RAPGEF4: variants seen among roughly 807,000 people sequenced by gnomAD.
RAPGEF4 encodes the protein RAP guanine-nucleotide-exchange factor (GEF) 4.
A neutral mutation model predicts 147.9 loss-of-function variants in RAPGEF4; 66 were observed. The observed-to-expected ratio is 0.45, with a 90% CI of 0.37 to 0.55. The LOEUF is 0.55. Among genes scored for constraint, RAPGEF4 ranks in the 20% least tolerant of loss-of-function variants. The pLI, the probability that RAPGEF4 is intolerant of heterozygous loss-of-function variation, is 0.00. For missense variants in RAPGEF4, 1,071 were observed against 1,257.3 expected (o/e 0.85, Z 2.24); for synonymous variants, 419 against 442.7 (o/e 0.95, Z 0.67).
chr2:172,987,359 T>G (rs1490268438), intron 12 of RAPGEF4, among the ~76,000 whole-genome samples: 1 of 152,132 alleles, frequency 6.6e-6, no homozygotes, highest in Admixed American at 6.5e-5. Flanking sequence ...CTTTGTACCC[T>G]CATTTATCCC....
chr2:172,902,730 G>A (rs1699203752), intron 4 of RAPGEF4, among the ~76,000 whole-genome samples: 1 of 152,168 alleles, frequency 6.6e-6, no homozygotes, highest in African/African-American at 2.4e-5. Flanking sequence ...TATAAAGTAT[G>A]GGCCTGGGTG....
intron 1 of RAPGEF4, among the ~76,000 whole-genome samples, chr2:172,775,443 A>G (rs1684067407): frequency 6.6e-6 from 1 of 152,226 alleles, no homozygotes; most frequent in Admixed American, 6.5e-5. Context: ...AAGACTGTCA[A>G]ATTGAATCTT....
At chr2:173,007,392 A>G (rs1216098952) in intron 17 of RAPGEF4, among the ~76,000 whole-genome samples, 1 of 152,222 alleles carries the variant, frequency 6.6e-6, no homozygotes, top group Non-Finnish European at 1.5e-5. Flanking sequence ...GTTAGTAGGT[A>G]CACACAAACA....
rs986675618 is a variant in RAPGEF4, at chr2:173,042,238, G to A, written c.2853+5546G>A. On this transcript the variant is annotated intron_variant, in intron 29 of 30. Transcript: ENST00000397081. The surrounding 1 kb of genome is among the most constrained non-coding windows in gnomAD (Gnocchi z 4.2). ...CATCGTAAGTATGCAAGAAGTACTTGTTGAATAAAATGTAATGTTTCAGTG... is the reference window on the plus strand; with the variant it reads ...CATCGTAAGTATGCAAGAAGTACTTATTGAATAAAATGTAATGTTTCAGTG... Among the ~76,000 whole-genome samples the A allele has an allele frequency of 6.6e-6, 1 of 152,228 alleles. No individual in the cohort carries two copies. Among genetic ancestry groups the A allele is most frequent in the Admixed American group, 6.5e-5 (1 of 15,286 alleles).
chr2:172,983,056 A>G (rs895185170), intron 10 of RAPGEF4, among the ~76,000 whole-genome samples: 1 of 152,242 alleles, frequency 6.6e-6, no homozygotes, highest in Non-Finnish European at 1.5e-5. Context: ...TTATTCTGCT[A>G]GGCTAAGATA....
chr2:173,014,675 A>G (rs2105889060), intron 18 of RAPGEF4, 61 bp downstream of exon 18: 5 of 1,524,650 alleles, frequency 3.3e-6, no homozygotes, highest in Middle Eastern at 4.1e-4. Flanking sequence ...GGACCTACTT[A>G]TAGGCTCAGC....
intron 6 of RAPGEF4, among the ~76,000 whole-genome samples, chr2:172,924,104 A>G (rs1391366982): frequency 2.6e-5 from 4 of 152,216 alleles, no homozygotes; most frequent in Non-Finnish European, 5.9e-5. Flanking sequence ...TAATACACAA[A>G]TCATTTGCCA....
chr2:172,867,347 A>G (rs77333874), intron 4 of RAPGEF4, among the ~76,000 whole-genome samples: 12,340 of 152,282 alleles, frequency 0.081, 647 homozygotes, highest in Middle Eastern at 0.13. Context: ...TTAGACAAGC[A>G]GTTGGCTTCT....
At chr2:172,828,078 G>A (rs1268267354) in intron 4 of RAPGEF4, among the ~76,000 whole-genome samples, 1 of 152,148 alleles carries the variant, frequency 6.6e-6, no homozygotes, top group Non-Finnish European at 1.5e-5. Flanking sequence ...CACTGGGGTT[G>A]CAGAAATGAA....
chr2:173,048,614 T>TA lies in RAPGEF4; in HGVS notation c.2869dup (p.Thr957AsnfsTer16), dbSNP rs1685795835. On this transcript the variant is annotated frameshift_variant, in exon 30 of 31. Transcript: ENST00000397081. LOFTEE classifies it high-confidence loss of function. ...ATTCCTTTTAGCGCATGATTGCAAA[T>TA]ACGGCCAGAACAGTGAGATACTACA... is the stretch of plus-strand genomic sequence containing the variant. The TA allele has an allele frequency of 6.2e-7, 1 of 1,614,152 alleles. No individual in the cohort carries two copies. Among genetic ancestry groups the TA allele is most frequent in the East Asian group, 2.2e-5 (1 of 44,868 alleles).
chr2:172,937,437 A>G (rs1008736504), intron 6 of RAPGEF4, among the ~76,000 whole-genome samples: 3 of 152,104 alleles, frequency 2.0e-5, no homozygotes, highest in South Asian at 2.1e-4. Flanking sequence ...ATGTCCCTCT[A>G]TTGGGATTTG....
chr2:172,935,338 G>A (rs1686445512), intron 6 of RAPGEF4, among the ~76,000 whole-genome samples: 1 of 152,150 alleles, frequency 6.6e-6, no homozygotes, highest in Non-Finnish European at 1.5e-5. Flanking sequence ...GGGAGCATAG[G>A]GGAAGGACTC....
chr2:172,847,163 G>A (rs926147102), intron 4 of RAPGEF4, among the ~76,000 whole-genome samples: 4 of 152,222 alleles, frequency 2.6e-5, no homozygotes, highest in South Asian at 2.1e-4. Context: ...CAGAGTTAGC[G>A]GTTGCAGGGT....
At chr2:173,001,403 G>A in intron 17 of RAPGEF4, 59 bp downstream of exon 17, 1 of 1,605,262 alleles carries the variant, frequency 6.2e-7, no homozygotes, top group Non-Finnish European at 8.5e-7. Flanking sequence ...CCCCTATCGA[G>A]GGCCATTCTT....
At chr2:172,887,775 G>T (rs1040414451) in intron 4 of RAPGEF4, among the ~76,000 whole-genome samples, 1 of 151,914 alleles carries the variant, frequency 6.6e-6, no homozygotes, top group Non-Finnish European at 1.5e-5. Context: ...CTGAGCCTTC[G>T]CACATACTGT....
intron 13 of RAPGEF4, 35 bp downstream of exon 13, chr2:172,988,307 C>A: frequency 6.3e-7 from 1 of 1,584,510 alleles, no homozygotes; most frequent in South Asian, 1.2e-5. Flanking sequence ...AACTTTATTA[C>A]GCTCCACTTA....
intron 25 of RAPGEF4, among the ~76,000 whole-genome samples, chr2:173,027,569 C>T (rs915288461): frequency 2.0e-5 from 3 of 152,198 alleles, no homozygotes; most frequent in African/African-American, 4.8e-5. Flanking sequence ...AAACCAAGTT[C>T]CCTTATACTT....
At chr2:172,981,680 A>T (rs1449394531) in intron 10 of RAPGEF4, among the ~76,000 whole-genome samples, 1 of 152,216 alleles carries the variant, frequency 6.6e-6, no homozygotes, top group Non-Finnish European at 1.5e-5. Context: ...TCTTTTGTTC[A>T]CGTTAAAACT....
At chr2:172,776,202 A>G (rs1334982510) in intron 1 of RAPGEF4, among the ~76,000 whole-genome samples, 1 of 152,180 alleles carries the variant, frequency 6.6e-6, no homozygotes, top group East Asian at 1.9e-4. Context: ...ACTCTATTGG[A>G]TATGAGAAAG....
Sources: allele counts gnomAD v4.1 joint callset (sites outside exome capture counted in the v4.1 genomes callset), GRCh38; gene constraint gnomAD v4.1.1; non-coding constraint Gnocchi (gnomAD v3.1); transcripts MANE v1.5; gene names NCBI Gene and HGNC (gene_info 2026-07-23, HGNC 2026-07-21).